The following NALF1 variants were observed in gnomAD, a reference collection of about 807,000 sequenced individuals.
NALF1 encodes family with sequence similarity 155 member A.
Under a neutral mutation model 48.4 loss-of-function variants are expected in NALF1, and 3 were observed. The observed-to-expected ratio is 0.06, with a 90% CI of 0.03 to 0.16. The LOEUF (loss-of-function observed/expected upper bound fraction) is 0.16, where lower values mean the gene tolerates loss of function less well. NALF1 is among the 10% of genes least tolerant of loss of function. NALF1 has a pLI of 1.00. For missense variants in NALF1, 526 were observed against 571.5 expected, an observed-to-expected ratio of 0.92 and a Z score of 0.81; for synonymous variants, 262 against 245.7, an observed-to-expected ratio of 1.07 and a Z score of -0.62.
intron 1 of NALF1, among the ~76,000 whole-genome samples, chr13:107,536,768 G>A (rs1335093440): frequency 6.6e-6 from 1 of 152,006 alleles, no homozygotes; most frequent in Non-Finnish European, 1.5e-5. Context: ...AGCTATAAAG[G>A]CACATGCACA....
chr13:107,513,270 A>G (rs1371664894), intron 1 of NALF1, among the ~76,000 whole-genome samples: 1 of 152,220 alleles, frequency 6.6e-6, no homozygotes, highest in East Asian at 1.9e-4. Flanking sequence ...TGGCAAAATA[A>G]TTTATTAAAA....
rs534009531 is a variant in NALF1 at position 107,345,063 on chromosome 13, A to T, written c.916-134308T>A. The stretch of plus-strand genomic sequence containing the variant: ...AACAAACAACCTAAAAATGAAGAAC[A>T]ATCTCAGTTATAATAGCAGCTACAC... On this transcript the variant is annotated intron_variant, in intron 1 of 2. Coordinates refer to ENST00000375915, the MANE Select transcript of NALF1 (RefSeq NM_001080396.3). Among the ~76,000 whole-genome samples, 353 of 152,110 alleles carry T rather than the reference A, an allele frequency of 2.3e-3. 1 individual carries two copies. The highest frequency in any genetic ancestry group is 3.9e-3 in the Non-Finnish European group (263 of 67,936).
intron 1 of NALF1, among the ~76,000 whole-genome samples, chr13:107,608,229 G>C (rs1017653500): frequency 3.9e-5 from 6 of 152,086 alleles, no homozygotes; most frequent in South Asian, 2.1e-4. Flanking sequence ...CATGCCGTTG[G>C]GATCCAGACA....
chr13:107,339,768 A>G (rs1359951979), intron 1 of NALF1, among the ~76,000 whole-genome samples: 1 of 152,132 alleles, frequency 6.6e-6, no homozygotes, highest in Non-Finnish European at 1.5e-5. Flanking sequence ...ACCAATTTTC[A>G]AAAATAAGCC....
chr13:107,790,527 GATAAATTGAATAAAAC>G (rs952647799), intron 1 of NALF1, among the ~76,000 whole-genome samples: 8 of 152,138 alleles, frequency 5.3e-5, no homozygotes, highest in South Asian at 2.1e-4. Flanking sequence ...TGATGATGAA[GATAAATTGAATAAAAC>G]AGGGCTGAAA....
chr13:107,678,356 T>C (rs1881187463), intron 1 of NALF1, among the ~76,000 whole-genome samples: 1 of 152,132 alleles, frequency 6.6e-6, no homozygotes, highest in African/African-American at 2.4e-5. Flanking sequence ...ACACAAAATC[T>C]AGAATGACCT....
chr13:107,847,001 T>C (rs1182183852), intron 1 of NALF1, among the ~76,000 whole-genome samples: 2 of 152,192 alleles, frequency 1.3e-5, no homozygotes, highest in East Asian at 1.9e-4. Context: ...AAAGCAATTA[T>C]ATAACATTTA....
chr13:107,653,556 T>C (rs1415881172), intron 1 of NALF1, among the ~76,000 whole-genome samples: 1 of 152,042 alleles, frequency 6.6e-6, no homozygotes. Flanking sequence ...TCTAGTTTTT[T>C]GTTTTTCATT....
chr13:107,402,512 T>C (rs947593500), intron 1 of NALF1, among the ~76,000 whole-genome samples: 2 of 152,224 alleles, frequency 1.3e-5, no homozygotes, highest in African/African-American at 4.8e-5. Context: ...ACTGAATTTG[T>C]GGTAAATTAT....
At chr13:107,222,770 G>A (rs1288251098) in intron 1 of NALF1, among the ~76,000 whole-genome samples, 1 of 152,204 alleles carries the variant, frequency 6.6e-6, no homozygotes, top group Non-Finnish European at 1.5e-5. Flanking sequence ...AACCTGGTCT[G>A]TCTTTAGGCA....
intron 1 of NALF1, among the ~76,000 whole-genome samples, chr13:107,718,608 G>C (rs1164921026): frequency 6.6e-6 from 1 of 152,174 alleles, no homozygotes; most frequent in Non-Finnish European, 1.5e-5. Context: ...ACCAAACAAA[G>C]AGTTGTGTGA....
chr13:107,405,376 T>C (rs1281297128), intron 1 of NALF1, among the ~76,000 whole-genome samples: 2 of 152,110 alleles, frequency 1.3e-5, no homozygotes, highest in Non-Finnish European at 2.9e-5. Context: ...ATATCCATTA[T>C]TGGCTGGTGG....
intron 1 of NALF1, among the ~76,000 whole-genome samples, chr13:107,421,003 A>G (rs1884176225): frequency 1.3e-5 from 2 of 152,172 alleles, no homozygotes; most frequent in South Asian, 4.1e-4. Flanking sequence ...TTACCAAACA[A>G]TGCAAATAAA....
chr13:107,435,801 G>C (rs187506482), intron 1 of NALF1, among the ~76,000 whole-genome samples: 212 of 151,868 alleles, frequency 1.4e-3, no homozygotes, highest in African/African-American at 4.9e-3. Flanking sequence ...GGCGGGGGAG[G>C]GGGGGAAGAT....
chr13:107,595,389 A>C (rs1029023012), intron 1 of NALF1, among the ~76,000 whole-genome samples: 1 of 152,146 alleles, frequency 6.6e-6, no homozygotes, highest in Non-Finnish European at 1.5e-5. Context: ...GTATATTAAA[A>C]TTGTTAAAAG....
intron 1 of NALF1, among the ~76,000 whole-genome samples, chr13:107,823,025 T>G (rs1594293917): frequency 1.3e-5 from 2 of 152,320 alleles, no homozygotes; most frequent in East Asian, 3.9e-4. Flanking sequence ...TGAGAATCTC[T>G]GTAAATGTGC....
intron 1 of NALF1, among the ~76,000 whole-genome samples, chr13:107,414,206 A>ATGTATC (rs67758380): frequency 0.22 from 32,923 of 151,820 alleles, 4,048 homozygotes; most frequent in Middle Eastern, 0.28. Context: ...TTTGAAAAAC[A>ATGTATC]TATATATATA....
chr13:107,418,295 G>A (rs754501529), intron 1 of NALF1, among the ~76,000 whole-genome samples: 7 of 151,904 alleles, frequency 4.6e-5, no homozygotes, highest in Non-Finnish European at 1.0e-4. Flanking sequence ...CCCTCCCCTC[G>A]AGTGTGAGCA....
At chr13:107,829,763 A>G (rs1048388394) in intron 1 of NALF1, among the ~76,000 whole-genome samples, 1 of 152,302 alleles carries the variant, frequency 6.6e-6, no homozygotes, top group East Asian at 1.9e-4. Flanking sequence ...TCATCAGTGA[A>G]GTTGGCATTT....
Sources: gnomAD v4.1 joint callset for allele counts (sites outside exome capture counted in the v4.1 genomes callset) on GRCh38, gnomAD v4.1.1 for gene constraint, MANE v1.5 for transcripts, NCBI Gene and HGNC (gene_info 2026-07-23, HGNC 2026-07-21) for gene names.